The following SDK2 variants were observed in gnomAD, a reference collection of about 807,000 sequenced individuals.
SDK2 encodes protein sidekick-2.
A neutral mutation model predicts 253.9 loss-of-function variants in SDK2; 105 were observed. The observed-to-expected ratio is 0.41, with a 90% CI of 0.35 to 0.49. The LOEUF is 0.49. Among genes scored for constraint, SDK2 ranks in the 20% least tolerant of loss-of-function variants. SDK2 has a pLI of 0.06. For synonymous variants in SDK2, 1,249 were observed against 1,234.9 expected, an observed-to-expected ratio of 1.01 and a Z score of -0.24; for missense variants, 2,608 against 3,003.0, an observed-to-expected ratio of 0.87 and a Z score of 3.07.
chr17:73,526,805 A>T (rs1284315105), intron 1 of SDK2, among the ~76,000 whole-genome samples: 1 of 152,222 alleles, frequency 6.6e-6, no homozygotes, highest in Non-Finnish European at 1.5e-5. Context: ...AGTTACGTGC[A>T]GTGTGAGGAA....
At position 73,478,824 on chromosome 17, in the gene SDK2, T is replaced by C. The variant is rs189687402; in HGVS notation, c.225-6606A>G. Among the ~76,000 whole-genome samples, 39 of 152,326 alleles carry C rather than the reference T, an allele frequency of 2.6e-4. No homozygotes were observed. The East Asian group carries it at 4.8e-3, about 19-fold the overall frequency. ...GAGCTGATGCGGACACCAGAAATAA[T>C]AGGCACACTCTCCTTGTATTGTCCT... On this transcript the variant is annotated intron_variant, in intron 2 of 44. Coordinates refer to ENST00000392650, the MANE Select transcript of SDK2 (RefSeq NM_001144952.2).
At chr17:73,369,243 T>C (rs2062714080) in intron 36 of SDK2, 1 of 459,772 alleles carries the variant, frequency 2.2e-6, no homozygotes, top group African/African-American at 2.0e-5. Context: ...GCTGGGGAGA[T>C]AAGGCAGTGT....
At chr17:73,448,107 G>A (rs1326958250) in intron 4 of SDK2, among the ~76,000 whole-genome samples, 2 of 152,330 alleles carry the variant, frequency 1.3e-5, no homozygotes, top group Non-Finnish European at 2.9e-5. Context: ...CTCCATGGCT[G>A]TGTGTGGTTA....
At chr17:73,474,579 C>G (rs781365317) in intron 2 of SDK2, among the ~76,000 whole-genome samples, 35 of 152,376 alleles carry the variant, frequency 2.3e-4, no homozygotes, top group Non-Finnish European at 5.0e-4. Context: ...CAGCTCTTAT[C>G]TGTCTCTTGC....
rs537312189 is a variant in SDK2, at chr17:73,541,761, C to T, written c.65-34164G>A. 1.3e-5 allele frequency among the ~76,000 whole-genome samples: 2 copies of T among 152,258 alleles called. No individual in the cohort carries two copies. The highest frequency in any genetic ancestry group is 2.1e-4 in the South Asian group (1 of 4,818). On this transcript the variant is annotated intron_variant, in intron 1 of 44. Transcript: ENST00000392650. This position sits in a 1 kb window ranked among gnomAD's most constrained non-coding sequence, Gnocchi z 4.3. ...ACGCTGAGTGACAGGAATGTGCAGA[C>T]GTTGAATTAAAAGCAGCTTGGCACA...
intron 1 of SDK2, among the ~76,000 whole-genome samples, chr17:73,597,293 G>A (rs182941313): frequency 5.3e-5 from 8 of 152,308 alleles, no homozygotes; most frequent in African/African-American, 1.9e-4. Context: ...ATGAGAGGAT[G>A]CAATCAGATT....
rs150795175 is a variant in SDK2, at chr17:73,365,351, T to C, written c.5212A>G (p.Thr1738Ala). 2 of 1,612,418 alleles carry C rather than the reference T, an allele frequency of 1.2e-6. No individual in the cohort carries two copies. The highest frequency in any genetic ancestry group is 1.3e-5 in the African/African-American group (1 of 74,848). Residue 1738 changes from threonine (T) to alanine (A), a missense_variant, in exon 38 of 45, where the codon ACC becomes GCC. Thr to Ala is a moderately conservative substitution (Grantham distance 58). Around this residue, in one of 2 missense-constraint regions of SDK2, gnomAD observed 1,103 missense variants for 1,143.9 expected, o/e 0.96. Coordinates refer to ENST00000392650, the MANE Select transcript of SDK2 (RefSeq NM_001144952.2). ...GCTTCCCAGGACACATTCACTGAGG[T>C]TGTGGTCAGCTCACTGAACTTGACC... is the stretch of plus-strand genomic sequence containing the variant. ...SSVKFSELTT[T>A]SVNVSWEAPQ...
chr17:73,573,195 T>A (rs953965456), intron 1 of SDK2, among the ~76,000 whole-genome samples: 2 of 152,204 alleles, frequency 1.3e-5, no homozygotes, highest in Admixed American at 1.3e-4. Context: ...GAGAACACAC[T>A]CTGGGCCAGC....
chr17:73,476,044 G>A (rs1331288646), intron 2 of SDK2, among the ~76,000 whole-genome samples: 1 of 152,166 alleles, frequency 6.6e-6, no homozygotes, highest in Non-Finnish European at 1.5e-5. Flanking sequence ...CCCAGGAGGT[G>A]GAGGTTGCAG....
intron 2 of SDK2, among the ~76,000 whole-genome samples, chr17:73,484,122 C>G (rs1024145264): frequency 2.6e-5 from 4 of 152,292 alleles, no homozygotes; most frequent in African/African-American, 7.2e-5. Flanking sequence ...GGGAGGAAAG[C>G]CTCGCCACCC....
At chr17:73,477,317 C>T (rs565018459) in intron 2 of SDK2, among the ~76,000 whole-genome samples, 176 of 152,198 alleles carry the variant, frequency 1.2e-3, no homozygotes, top group African/African-American at 3.9e-3. Context: ...CAGGTCACCC[C>T]GGGGGTGGGG....
chr17:73,472,578 AT>A (rs199949835), intron 2 of SDK2, among the ~76,000 whole-genome samples: 2 of 151,106 alleles, frequency 1.3e-5, no homozygotes, highest in South Asian at 2.1e-4. Flanking sequence ...AGGTGGGGGC[AT>A]TTTTTTTTGT....
At chr17:73,397,615 C>T (rs976065162) in intron 24 of SDK2, among the ~76,000 whole-genome samples, 1 of 152,198 alleles carries the variant, frequency 6.6e-6, no homozygotes, top group African/African-American at 2.4e-5. Flanking sequence ...ACCCTCAACA[C>T]ACAGCCCGGA....
intron 1 of SDK2, among the ~76,000 whole-genome samples, chr17:73,574,095 T>TG (rs202083828): frequency 0.028 from 4,189 of 152,326 alleles, 98 homozygotes; most frequent in Middle Eastern, 0.041. Flanking sequence ...ACCTCAGGAA[T>TG]GGAAGCTCTG....
intron 5 of SDK2, among the ~76,000 whole-genome samples, chr17:73,442,588 G>A (rs1449207343): frequency 2.0e-5 from 3 of 152,142 alleles, no homozygotes; most frequent in South Asian, 2.1e-4. Context: ...TGATCCACCC[G>A]CCTCGGCCTC....
At position 73,393,680 on chromosome 17, in the gene SDK2, T is replaced by G; in HGVS notation, c.3778A>C (p.Ser1260Arg). 6.3e-7 allele frequency: 1 copy of G among 1,597,386 alleles called. No individual in the cohort carries two copies. The highest frequency in any genetic ancestry group is 8.6e-7 in the Non-Finnish European group (1 of 1,167,326). ...TTGCCCAAGCCGGTGAGCTGGGCAC[T>G]GCGAGACGAGTTGCCTTCCACCAGC... is the stretch of plus-strand genomic sequence containing the variant. ...FWLVEGNSSR[S>R]AQLTGLGKYV... Residue 1260 changes from serine to arginine, a missense_variant, in exon 27 of 45, where the codon AGT becomes CGT. Physicochemically the swap from Ser to Arg is moderately radical, Grantham distance 110. This residue lies in a region of SDK2 where 1,505 missense variants were observed against 1,859.1 expected (regional missense o/e 0.81). Coordinates refer to ENST00000392650, the MANE Select transcript of SDK2 (RefSeq NM_001144952.2).
chr17:73,626,743 G>A (rs1031091864), intron 1 of SDK2, among the ~76,000 whole-genome samples: 1 of 152,220 alleles, frequency 6.6e-6, no homozygotes, highest in African/African-American at 2.4e-5. Flanking sequence ...CACATTCTAG[G>A]AAGACAGCGA....
At chr17:73,587,672 G>A (rs2045620774) in intron 1 of SDK2, among the ~76,000 whole-genome samples, 1 of 152,180 alleles carries the variant, frequency 6.6e-6, no homozygotes, top group South Asian at 2.1e-4. Context: ...AGCCCCGGGG[G>A]ACAATCACCT....
chr17:73,387,073 G>GCCTCAGC, intron 30 of SDK2, among the ~76,000 whole-genome samples: 1 of 152,192 alleles, frequency 6.6e-6, no homozygotes, highest in African/African-American at 2.4e-5. Context: ...CGATTCTTGT[G>GCCTCAGC]CCTCAGCCTC....
Sources: allele counts gnomAD v4.1 joint callset (sites outside exome capture counted in the v4.1 genomes callset), GRCh38; gene constraint gnomAD v4.1.1; regional missense constraint gnomAD v4.1.1; non-coding constraint Gnocchi (gnomAD v3.1); transcripts MANE v1.5; gene names NCBI Gene and HGNC (gene_info 2026-07-23, HGNC 2026-07-21).